The following EIF2AK3 variants were observed in gnomAD, a reference collection of about 807,000 sequenced individuals.
The protein encoded by EIF2AK3 is eukaryotic translation initiation factor 2-alpha kinase 3.
In EIF2AK3, 50 loss-of-function variants were observed where a neutral mutation model predicts 113.5. That is an observed-to-expected ratio of 0.44 (90% CI 0.35 to 0.56). The LOEUF (loss-of-function observed/expected upper bound fraction) is 0.56, where lower values mean the gene tolerates loss of function less well. EIF2AK3 is among the 20% of genes least tolerant of loss of function. The pLI is 0.00. For synonymous variants in EIF2AK3, 448 were observed against 495.4 expected (o/e 0.90, Z 1.27); for missense variants, 1,185 against 1,378.0 (o/e 0.86, Z 2.22).
At chr2:88,595,411 C>A in intron 3 of EIF2AK3, 58 bp downstream of exon 3, 7 of 1,526,532 alleles carry the variant, frequency 4.6e-6, no homozygotes, top group Non-Finnish European at 6.3e-6. Context: ...TAATAAATTA[C>A]TTTTTCTACC....
intron 9 of EIF2AK3, among the ~76,000 whole-genome samples, chr2:88,584,492 G>T (rs1439525211): frequency 1.4e-5 from 2 of 142,658 alleles, no homozygotes; most frequent in Non-Finnish European, 3.0e-5. Context: ...ATTCCAGCTT[G>T]GGTGACAGAG....
intron 1 of EIF2AK3, among the ~76,000 whole-genome samples, chr2:88,615,594 C>T (rs374753587): frequency 1.1e-4 from 16 of 152,162 alleles, no homozygotes; most frequent in African/African-American, 3.9e-4. Context: ...TTGAACTTCC[C>T]AGCCTCTAGA....
intron 12 of EIF2AK3, among the ~76,000 whole-genome samples, chr2:88,576,001 T>C (rs1014813677): frequency 1.3e-5 from 2 of 152,248 alleles, no homozygotes; most frequent in African/African-American, 4.8e-5. Flanking sequence ...TTCCTTCCTA[T>C]AGCACATCAT....
At chr2:88,591,315 C>G (rs1674884301) in intron 4 of EIF2AK3, among the ~76,000 whole-genome samples, 3 of 152,150 alleles carry the variant, frequency 2.0e-5, no homozygotes, top group Non-Finnish European at 4.4e-5. Flanking sequence ...GACAGATTTT[C>G]TCTCAAAAAC....
At chr2:88,561,462 C>T (rs1181009465) in intron 15 of EIF2AK3, among the ~76,000 whole-genome samples, 3 of 151,848 alleles carry the variant, frequency 2.0e-5, no homozygotes, top group East Asian at 2.0e-4. Context: ...GGGGTTTTAC[C>T]GTGTTAGCCA....
intron 2 of EIF2AK3, among the ~76,000 whole-genome samples, chr2:88,606,684 G>A (rs1675288376): frequency 6.6e-6 from 1 of 152,124 alleles, no homozygotes; most frequent in Non-Finnish European, 1.5e-5. Context: ...ACTTAAAAGG[G>A]TCTACTAATA....
At chr2:88,587,204 C>CAAAAAAAAAAAA (rs780050125) in intron 8 of EIF2AK3, among the ~76,000 whole-genome samples, 1 of 30,262 alleles carries the variant, frequency 3.3e-5, no homozygotes, top group Non-Finnish European at 5.3e-5. Context: ...AACTCCATCT[C>CAAAAAAAAAAAA]AAAAAAAAAA....
At position 88,573,615 on chromosome 2, in the gene EIF2AK3, C is replaced by T. The variant is rs576767671; in HGVS notation, c.2817+1051G>A. Reference sequence around the variant, plus strand: ...CTTGGCAATCAGTTTGGGCCCACGTCAAAATCACTGAAGCATAATGATTTA... The same window carrying T: ...CTTGGCAATCAGTTTGGGCCCACGTTAAAATCACTGAAGCATAATGATTTA... On this transcript the variant is annotated intron_variant, in intron 13 of 16. Transcript: ENST00000303236. Among the ~76,000 whole-genome samples, 6 of 152,198 alleles carry T rather than the reference C, an allele frequency of 3.9e-5. No individual in the cohort carries two copies. The South Asian group carries it at 1.2e-3, about 32-fold the overall frequency.
intron 1 of EIF2AK3, 93 bp from the exon 2 acceptor site, chr2:88,613,946 G>T: frequency 8.4e-7 from 1 of 1,187,412 alleles, no homozygotes; most frequent in Non-Finnish European, 1.2e-6. Context: ...CCCATGTCCA[G>T]GCCTCTATTC....
intron 2 of EIF2AK3, among the ~76,000 whole-genome samples, chr2:88,610,294 CTCAG>C (rs1391934417): frequency 2.0e-5 from 3 of 152,148 alleles, no homozygotes; most frequent in Non-Finnish European, 4.4e-5. Flanking sequence ...ATCTATGTAA[CTCAG>C]TCAGTATTTT....
chr2:88,581,458 A>AAG (rs1173869041), intron 10 of EIF2AK3, among the ~76,000 whole-genome samples: 2 of 152,152 alleles, frequency 1.3e-5, no homozygotes, highest in African/African-American at 4.8e-5. Context: ...AGATCATCAC[A>AAG]AACAGATTTA....
At chr2:88,564,284 C>T (rs1026198681) in intron 14 of EIF2AK3, among the ~76,000 whole-genome samples, 4 of 152,126 alleles carry the variant, frequency 2.6e-5, no homozygotes, top group African/African-American at 9.7e-5. Context: ...AGTATAGCTT[C>T]TAAGGCTTGG....
chr2:88,562,819 C>T (rs1008134426), intron 14 of EIF2AK3, among the ~76,000 whole-genome samples: 1 of 152,182 alleles, frequency 6.6e-6, no homozygotes, highest in African/African-American at 2.4e-5. Context: ...CTCCAAACCA[C>T]TAATCAACTG....
chr2:88,585,926 C>A lies in EIF2AK3; in HGVS notation c.1565G>T (p.Trp522Leu). The A allele has an allele frequency of 6.2e-7, 1 of 1,614,080 alleles. No homozygotes were observed. Among genetic ancestry groups the A allele is most frequent in the Non-Finnish European group, 8.5e-7 (1 of 1,179,990 alleles). Reference protein sequence around the residue: ...KKDPVLLLHWWKEIVATILFC... With the variant: ...KKDPVLLLHWLKEIVATILFC... ...CAAAATCGTTGCAACTATTTCTTTC[C>A]ACCAGTGTAAAAGAAGAACAGGATC... The change falls in exon 9 of 17, where the codon TGG becomes TTG. Residue 522 changes from tryptophan (W) to leucine (L), a missense_variant. By Grantham distance (61) the Trp-to-Leu change is moderately conservative (BLOSUM62 -2). Coordinates refer to ENST00000303236, the MANE Select transcript of EIF2AK3 (RefSeq NM_004836.7).
Position 88,590,559 on chromosome 2 carries a change from A to G in EIF2AK3, c.1049T>C (p.Val350Ala). ...ASAWLLKDGK[V>A]IPISLFDDTS... ...ATCATCAAAAAGACTGATGGGAATG[A>G]CTTTCCCATCCTTAAGTAACCAGGC... Residue 350 changes from valine (V) to alanine (A), a missense_variant, in exon 6 of 17, where the codon GTC (valine) becomes GCC (alanine). This residue lies in a region of EIF2AK3 where 877 missense variants were observed against 1,024.2 expected (regional missense o/e 0.86). Coordinates refer to ENST00000303236, the MANE Select transcript of EIF2AK3 (RefSeq NM_004836.7). 1 of 1,613,332 alleles carries G rather than the reference A, an allele frequency of 6.2e-7. No homozygotes were observed. The highest frequency in any genetic ancestry group is 8.5e-7 in the Non-Finnish European group (1 of 1,179,790).
At chr2:88,609,297 A>G (rs1323385458) in intron 2 of EIF2AK3, among the ~76,000 whole-genome samples, 1 of 152,226 alleles carries the variant, frequency 6.6e-6, no homozygotes, top group Non-Finnish European at 1.5e-5. Flanking sequence ...AAAATAGCAC[A>G]CAGTTTTCAA....
intron 2 of EIF2AK3, among the ~76,000 whole-genome samples, chr2:88,606,295 T>C (rs1289460598): frequency 7.0e-6 from 1 of 142,852 alleles, no homozygotes; most frequent in Non-Finnish European, 1.5e-5. Flanking sequence ...GAAGAGTCAA[T>C]TTCCTAAAAA....
Position 88,574,905 on chromosome 2 carries a change from G to A in EIF2AK3, c.2578C>T (p.Pro860Ser), listed in dbSNP as rs1674412862. The A allele has an allele frequency of 6.2e-7, 1 of 1,614,184 alleles. No homozygotes were observed. Among genetic ancestry groups the A allele is most frequent in the Non-Finnish European group, 8.5e-7 (1 of 1,180,018 alleles). Residue 860 changes from proline to serine, a missense_variant, in exon 13 of 17, where the codon CCA (proline) becomes TCA (serine). Coordinates refer to ENST00000303236, the MANE Select transcript of EIF2AK3 (RefSeq NM_004836.7). ...EATLSISPPR[P>S]TTLSLDLTKN... ...GTGAGATCTAAACTTAAAGTGGTTG[G>A]TCTTGGAGGAGAAATAGACAATGTA...
intron 2 of EIF2AK3, among the ~76,000 whole-genome samples, chr2:88,612,482 A>G (rs1675480215): frequency 6.6e-6 from 1 of 152,240 alleles, no homozygotes; most frequent in South Asian, 2.1e-4. Flanking sequence ...TGCTATTTGT[A>G]TTAATAATTC....
Sources: gnomAD v4.1 joint callset for allele counts (sites outside exome capture counted in the v4.1 genomes callset) on GRCh38, gnomAD v4.1.1 for gene constraint, gnomAD v4.1.1 regional missense constraint, MANE v1.5 for transcripts, NCBI Gene and HGNC (gene_info 2026-07-23, HGNC 2026-07-21) for gene names.